SORCS1: variants seen among roughly 807,000 people sequenced by gnomAD.
SORCS1 encodes the protein sortilin related VPS10 domain containing receptor 1.
A neutral mutation model predicts 146.1 loss-of-function variants in SORCS1; 60 were observed. The ratio of observed to expected loss-of-function variants is 0.41; its 90% confidence interval spans 0.33 to 0.51. The LOEUF is 0.51. Among genes scored for constraint, SORCS1 ranks in the 20% least tolerant of loss-of-function variants. SORCS1 has a pLI of 0.21. For synonymous variants in SORCS1, 637 were observed against 584.0 expected, an observed-to-expected ratio of 1.09 and a Z score of -1.31; for missense variants, 1,352 against 1,487.6, an observed-to-expected ratio of 0.91 and a Z score of 1.50.
chr10:106,683,857 C>G (rs1852621750), intron 10 of SORCS1, among the ~76,000 whole-genome samples: 1 of 152,146 alleles, frequency 6.6e-6, no homozygotes, highest in Non-Finnish European at 1.5e-5. Context: ...AATAAAGAGT[C>G]AACGGCAAAG....
At chr10:106,597,296 C>G (rs1845961655) in intron 24 of SORCS1, 55 bp downstream of exon 24, 8 of 1,408,986 alleles carry the variant, frequency 5.7e-6, no homozygotes, top group Non-Finnish European at 8.0e-6. Flanking sequence ...GAAGCACGGA[C>G]TAGGATTCCC....
intron 3 of SORCS1, among the ~76,000 whole-genome samples, chr10:106,809,481 C>T (rs562712720): frequency 1.5e-4 from 23 of 152,048 alleles, no homozygotes; most frequent in African/African-American, 3.1e-4. Flanking sequence ...CCACTCATCA[C>T]GGCAGGATCT....
At chr10:106,917,214 T>C (rs1408460748) in intron 2 of SORCS1, among the ~76,000 whole-genome samples, 2 of 152,304 alleles carry the variant, frequency 1.3e-5, no homozygotes, top group East Asian at 3.9e-4. Flanking sequence ...ATTACCCCAA[T>C]ATACAGCAAA....
intron 2 of SORCS1, among the ~76,000 whole-genome samples, chr10:106,902,771 C>A (rs1222076048): frequency 6.6e-6 from 1 of 152,204 alleles, no homozygotes; most frequent in Non-Finnish European, 1.5e-5. Flanking sequence ...CATAACAAGA[C>A]ACCAGGGATT....
intron 1 of SORCS1, among the ~76,000 whole-genome samples, chr10:107,057,431 C>A (rs756542861): frequency 5.9e-5 from 9 of 152,178 alleles, no homozygotes; most frequent in Non-Finnish European, 1.2e-4. Flanking sequence ...GTCTCTGTCT[C>A]TTGGGAGTCA....
intron 2 of SORCS1, among the ~76,000 whole-genome samples, chr10:106,891,831 C>T (rs1043261377): frequency 6.6e-5 from 10 of 152,154 alleles, no homozygotes; most frequent in Non-Finnish European, 1.5e-4. Flanking sequence ...GGAGAATTAA[C>T]AGGCTGTAGT....
At chr10:106,922,215 G>T (rs1355379624) in intron 2 of SORCS1, among the ~76,000 whole-genome samples, 1 of 152,100 alleles carries the variant, frequency 6.6e-6, no homozygotes, top group Admixed American at 6.5e-5. Flanking sequence ...TTTCAGAGGC[G>T]GGTTCCAGGT....
chr10:107,146,662 G>T (rs568075638), intron 1 of SORCS1, among the ~76,000 whole-genome samples: 4 of 152,292 alleles, frequency 2.6e-5, no homozygotes, highest in African/African-American at 9.6e-5. Context: ...CCTAAACGCA[G>T]TAGAATATAG....
intron 1 of SORCS1, among the ~76,000 whole-genome samples, chr10:107,042,261 C>T (rs528073855): frequency 8.5e-5 from 13 of 152,190 alleles, no homozygotes; most frequent in South Asian, 4.1e-4. Flanking sequence ...TATCCAGCAG[C>T]GCAACAAAAA....
At chr10:106,623,618 C>A (rs760685081) in intron 19 of SORCS1, among the ~76,000 whole-genome samples, 2 of 151,924 alleles carry the variant, frequency 1.3e-5, no homozygotes, top group East Asian at 1.9e-4. Flanking sequence ...AAATTCGAAT[C>A]TTGTTAGTAA....
At position 106,730,078 on chromosome 10, in the gene SORCS1, C is replaced by A. The variant is rs369917787; in HGVS notation, c.996G>T (p.Val332=). The A allele has an allele frequency of 2.5e-6, 4 of 1,613,990 alleles. No individual in the cohort carries two copies. Among genetic ancestry groups the A allele is most frequent in the African/African-American group, 2.7e-5 (2 of 74,900 alleles). ...VMGSNKEPDL[V]HLEARTVDGH... Reference sequence around the variant, plus strand: ...CATCCACAGTTCTGGCCTCAAGATGCACAAGGTCTGGTTCTTTATTTGACC... The same window carrying A: ...CATCCACAGTTCTGGCCTCAAGATGAACAAGGTCTGGTTCTTTATTTGACC... Residue 332 remains valine (V), a synonymous_variant, in exon 6 of 26, where the codon GTG becomes GTT. Coordinates refer to ENST00000263054, the MANE Select transcript of SORCS1 (RefSeq NM_052918.5).
rs868040653 is a variant in SORCS1, at chr10:106,579,154, G to T, written c.3371+215C>A. ...CCAGGCCTCCTTAGTTCAGTCTGAG[G>T]GACATTGGGCCTGCTTTCAGAGTGA... On this transcript the variant is annotated intron_variant, in intron 25 of 25. Coordinates refer to ENST00000263054, the MANE Select transcript of SORCS1 (RefSeq NM_052918.5). The T allele has an allele frequency of 1.9e-6, 3 of 1,614,080 alleles. No individual in the cohort carries two copies. The highest frequency in any genetic ancestry group is 2.5e-6 in the Non-Finnish European group (3 of 1,179,994).
intron 5 of SORCS1, among the ~76,000 whole-genome samples, chr10:106,757,806 T>C (rs932469825): frequency 2.0e-5 from 3 of 152,196 alleles, no homozygotes; most frequent in Non-Finnish European, 2.9e-5. Context: ...GTTGATTTAG[T>C]AGAGCACAGA....
intron 6 of SORCS1, among the ~76,000 whole-genome samples, chr10:106,721,085 A>G (rs1855749154): frequency 6.6e-6 from 1 of 152,224 alleles, no homozygotes; most frequent in East Asian, 1.9e-4. Context: ...AGAAAAAAAA[A>G]AAGCATAGTA....
intron 1 of SORCS1, among the ~76,000 whole-genome samples, chr10:107,124,097 A>C (rs1031730264): frequency 6.6e-6 from 1 of 152,092 alleles, no homozygotes; most frequent in Non-Finnish European, 1.5e-5. Flanking sequence ...AAAAAAAAAA[A>C]AAAAGAAAAG....
chr10:107,116,146 G>A (rs984433182), intron 1 of SORCS1, among the ~76,000 whole-genome samples: 7 of 151,956 alleles, frequency 4.6e-5, no homozygotes, highest in Admixed American at 1.3e-4. Flanking sequence ...AAAATGAAAC[G>A]CTTGTCCACT....
intron 17 of SORCS1, among the ~76,000 whole-genome samples, chr10:106,654,147 C>T (rs1850097155): frequency 6.6e-6 from 1 of 152,178 alleles, no homozygotes; most frequent in South Asian, 2.1e-4. Flanking sequence ...TTCTCTAAGA[C>T]AATTTCCCTG....
At chr10:106,782,103 C>T (rs181265484) in intron 3 of SORCS1, among the ~76,000 whole-genome samples, 228 of 152,268 alleles carry the variant, frequency 1.5e-3, no homozygotes, top group Non-Finnish European at 2.7e-3. Context: ...ATGAACAGAA[C>T]ATTTAGGCAA....
intron 2 of SORCS1, among the ~76,000 whole-genome samples, chr10:106,944,605 T>A (rs74669845): frequency 6.6e-6 from 1 of 152,320 alleles, no homozygotes; most frequent in East Asian, 1.9e-4. Context: ...TCTTTGTATC[T>A]GGATTTATAC....
Sources: allele counts gnomAD v4.1 joint callset (sites outside exome capture counted in the v4.1 genomes callset), GRCh38; gene constraint gnomAD v4.1.1; transcripts MANE v1.5; gene names NCBI Gene and HGNC (gene_info 2026-07-23, HGNC 2026-07-21).